CADPS: variants seen among roughly 807,000 people sequenced by gnomAD.
CADPS encodes the protein calcium dependent secretion activator.
CADPS carries 57 observed loss-of-function variants against 167.3 expected under a neutral mutation model. That is an observed-to-expected ratio of 0.34 (90% CI 0.28 to 0.42). The LOEUF is 0.42. Among genes scored for constraint, CADPS ranks in the 20% least tolerant of loss-of-function variants. CADPS has a pLI of 1.00. For synonymous variants in CADPS, 676 were observed against 635.3 expected (o/e 1.06, Z -0.96); for missense variants, 1,414 against 1,738.1 (o/e 0.81, Z 3.32).
At chr3:62,494,428 T>G (rs969685938) in intron 18 of CADPS, among the ~76,000 whole-genome samples, 2 of 152,174 alleles carry the variant, frequency 1.3e-5, no homozygotes, top group Non-Finnish European at 2.9e-5. Context: ...TTCCAGACAT[T>G]TGAAAAATTC....
chr3:62,434,495 G>A (rs1311500539), intron 28 of CADPS, among the ~76,000 whole-genome samples: 1 of 152,104 alleles, frequency 6.6e-6, no homozygotes, highest in African/African-American at 2.4e-5. Context: ...GCAACATTAT[G>A]TCCAAATGTA....
At chr3:62,711,987 A>G (rs911830547) in intron 3 of CADPS, among the ~76,000 whole-genome samples, 5 of 152,198 alleles carry the variant, frequency 3.3e-5, no homozygotes, top group Admixed American at 6.5e-5. Flanking sequence ...AATTTTCTGC[A>G]ACTTAGTATT....
At chr3:62,485,683 G>A (rs1201577229) in intron 21 of CADPS, among the ~76,000 whole-genome samples, 1 of 152,086 alleles carries the variant, frequency 6.6e-6, no homozygotes. Context: ...GCCTGTGTGG[G>A]TTCTTTAACA....
At chr3:62,725,077 C>T (rs1004402328) in intron 3 of CADPS, among the ~76,000 whole-genome samples, 9 of 152,196 alleles carry the variant, frequency 5.9e-5, no homozygotes, top group African/African-American at 2.2e-4. Context: ...GCTTCTTTCC[C>T]ATACTTCTGG....
At chr3:62,462,684 T>C (rs2150326877) in intron 26 of CADPS, among the ~76,000 whole-genome samples, 1 of 152,298 alleles carries the variant, frequency 6.6e-6, no homozygotes, top group South Asian at 2.1e-4. Flanking sequence ...TCTCTATGCC[T>C]CTGCACAGGG....
intron 3 of CADPS, among the ~76,000 whole-genome samples, chr3:62,750,353 CAAAAA>C (rs56069272): frequency 2.2e-5 from 1 of 44,890 alleles, no homozygotes; most frequent in African/African-American, 8.6e-5. Flanking sequence ...TCTTAAGCTC[CAAAAA>C]AAAAAAAAAA....
chr3:62,616,555 C>T (rs530356182), intron 6 of CADPS, among the ~76,000 whole-genome samples: 1 of 152,226 alleles, frequency 6.6e-6, no homozygotes, highest in South Asian at 2.1e-4. Context: ...CTGGTCATGT[C>T]CAGGGACCCC....
intron 1 of CADPS, among the ~76,000 whole-genome samples, chr3:62,867,451 C>G (rs1046289417): frequency 2.0e-5 from 3 of 151,970 alleles, no homozygotes; most frequent in East Asian, 1.9e-4. Flanking sequence ...TCAAAGTGAG[C>G]TTTTGAAGCC....
chr3:62,511,793 A>G (rs934393966), intron 17 of CADPS, among the ~76,000 whole-genome samples: 16 of 152,044 alleles, frequency 1.1e-4, no homozygotes, highest in African/African-American at 3.9e-4. Context: ...TTGCATGTAT[A>G]CTCCATGAGG....
chr3:62,427,329 AG>A (rs1412910411), intron 28 of CADPS, among the ~76,000 whole-genome samples: 1 of 152,194 alleles, frequency 6.6e-6, no homozygotes, highest in Non-Finnish European at 1.5e-5. Flanking sequence ...GATATCTACC[AG>A]GTAGAATATC....
chr3:62,422,925 A>G (rs2051766884), intron 28 of CADPS, among the ~76,000 whole-genome samples: 1 of 152,156 alleles, frequency 6.6e-6, no homozygotes, highest in Non-Finnish European at 1.5e-5. Flanking sequence ...ACCCTAAACC[A>G]TTTATTAACT....
chr3:62,430,001 T>C (rs1268450044), intron 28 of CADPS, among the ~76,000 whole-genome samples: 1 of 152,198 alleles, frequency 6.6e-6, no homozygotes, highest in Non-Finnish European at 1.5e-5. Flanking sequence ...GTTCTATTTC[T>C]ATGAATGGCT....
At chr3:62,509,251 C>A (rs1305259766) in intron 17 of CADPS, among the ~76,000 whole-genome samples, 2 of 142,824 alleles carry the variant, frequency 1.4e-5, no homozygotes, top group African/African-American at 5.3e-5. Flanking sequence ...TTGTGGTGAG[C>A]CAGGATCCTA....
intron 6 of CADPS, among the ~76,000 whole-genome samples, chr3:62,607,230 T>G (rs2060814309): frequency 6.6e-6 from 1 of 152,176 alleles, no homozygotes; most frequent in South Asian, 2.1e-4. Context: ...TTTAGTGACT[T>G]GAAAATGACA....
At chr3:62,472,597 C>T (rs2060759589) in intron 24 of CADPS, among the ~76,000 whole-genome samples, 1 of 152,182 alleles carries the variant, frequency 6.6e-6, no homozygotes, top group Admixed American at 6.5e-5. Flanking sequence ...TAGGCCCCCT[C>T]CTCCCCTCTC....
chr3:62,519,913 C>T (rs1201867085), intron 13 of CADPS, among the ~76,000 whole-genome samples: 1 of 152,162 alleles, frequency 6.6e-6, no homozygotes, highest in African/African-American at 2.4e-5. Flanking sequence ...CTACAACCTA[C>T]AACTTCCTTA....
chr3:62,515,917 G>T, intron 16 of CADPS, 142 bp downstream of exon 16: 1 of 945,778 alleles, frequency 1.1e-6, no homozygotes, highest in South Asian at 1.8e-5. Context: ...AGGAAACTTC[G>T]ACATTTCAGG....
chr3:62,576,655 G>A (rs1190445076), intron 8 of CADPS, among the ~76,000 whole-genome samples: 1 of 150,828 alleles, frequency 6.6e-6, no homozygotes, highest in Non-Finnish European at 1.5e-5. Context: ...GCTGGGCATG[G>A]TGGTATGCAT....
intron 3 of CADPS, among the ~76,000 whole-genome samples, chr3:62,728,014 ATTATGT>A (rs1346313486): frequency 3.3e-5 from 5 of 151,780 alleles, no homozygotes; most frequent in Admixed American, 6.6e-5. Flanking sequence ...GCACCCTTTG[ATTATGT>A]TTATAACTCT....
Sources: allele counts gnomAD v4.1 joint callset (sites outside exome capture counted in the v4.1 genomes callset), GRCh38; gene constraint gnomAD v4.1.1; transcripts MANE v1.5; gene names NCBI Gene and HGNC (gene_info 2026-07-23, HGNC 2026-07-21).